The following GABRA4 variants were observed in gnomAD, a reference collection of about 807,000 sequenced individuals.
The protein encoded by GABRA4 is gamma-aminobutyric acid type A receptor subunit alpha4.
Under a neutral mutation model 49.7 loss-of-function variants are expected in GABRA4, and 12 were observed. That is an observed-to-expected ratio of 0.24 (90% CI 0.15 to 0.39). The LOEUF is 0.39. Ranked by LOEUF, GABRA4 falls within the 10% of genes least tolerant of loss-of-function variation. The pLI is 1.00. For missense variants in GABRA4, 506 were observed against 686.0 expected (o/e 0.74, Z 2.93); for synonymous variants, 288 against 240.2 (o/e 1.20, Z -1.84).
intron 8 of GABRA4, among the ~76,000 whole-genome samples, chr4:46,930,211 C>A (rs148554492): frequency 6.6e-6 from 1 of 152,038 alleles, no homozygotes; most frequent in East Asian, 1.9e-4. Context: ...GAAATTGTAG[C>A]CTAACATATG....
chr4:46,993,144 C>G (rs912256514), intron 1 of GABRA4, among the ~76,000 whole-genome samples, 195 bp downstream of exon 1: 1 of 152,188 alleles, frequency 6.6e-6, no homozygotes, highest in Non-Finnish European at 1.5e-5. Context: ...AGTGCCCACA[C>G]GCCTCTTGGA....
In GABRA4 at chr4:46,977,329, GAA is replaced by G. The variant is rs1491326081; in HGVS notation, c.494+79_494+80del. 234 of 755,424 alleles carry G rather than the reference GAA, an allele frequency of 3.1e-4. 1 individual carries two copies. The highest frequency in any genetic ancestry group is 2.7e-3 in the African/African-American group (143 of 53,382). 46.8% of individuals were successfully genotyped at this position (755,424 alleles called of 1,614,324 possible). A position where few individuals can be genotyped will look rare whatever the true frequency, so the allele number is the denominator to read the frequency against. On this transcript the variant is annotated intron_variant, in intron 4 of 8. Transcript: ENST00000264318. ...GGAAGGGAGGGAGGAAGGGAGGGAG[GAA>G]GGAAGGAAGGAAGGAAGAAAGGAAA...
intron 8 of GABRA4, among the ~76,000 whole-genome samples, chr4:46,957,438 A>G (rs1481240828): frequency 7.2e-5 from 11 of 152,006 alleles, no homozygotes; most frequent in Admixed American, 7.2e-4. Context: ...GTCTGGGAAG[A>G]CTAGTTATGG....
intron 8 of GABRA4, among the ~76,000 whole-genome samples, chr4:46,940,760 G>T (rs1394193813): frequency 6.6e-6 from 1 of 151,420 alleles, no homozygotes; most frequent in Non-Finnish European, 1.5e-5. Context: ...AATTGCTGAA[G>T]CCATTTGGCT....
At chr4:46,973,202 T>C (rs1262115870) in intron 6 of GABRA4, among the ~76,000 whole-genome samples, 1 of 151,792 alleles carries the variant, frequency 6.6e-6, no homozygotes, top group East Asian at 1.9e-4. Flanking sequence ...ACTATTGCTA[T>C]GGTCTAAATG....
chr4:46,966,219 C>T (rs940616864), intron 7 of GABRA4, among the ~76,000 whole-genome samples: 5 of 151,694 alleles, frequency 3.3e-5, no homozygotes, highest in Admixed American at 3.3e-4. Flanking sequence ...TTTGCTACAT[C>T]CATTTAAACT....
chr4:46,972,027 T>A (rs1401706053), intron 6 of GABRA4, among the ~76,000 whole-genome samples: 2 of 151,626 alleles, frequency 1.3e-5, no homozygotes, highest in Non-Finnish European at 3.0e-5. Context: ...GTGGCCTTAT[T>A]CACAAACCAT....
intron 8 of GABRA4, among the ~76,000 whole-genome samples, chr4:46,938,867 G>A (rs1392317834): frequency 1.3e-5 from 2 of 151,926 alleles, no homozygotes; most frequent in African/African-American, 4.8e-5. Flanking sequence ...AAGTTATTTT[G>A]CTGGGCATTG....
chr4:46,968,937 C>A (rs2109381622), intron 7 of GABRA4, among the ~76,000 whole-genome samples: 1 of 151,764 alleles, frequency 6.6e-6, no homozygotes, highest in East Asian at 1.9e-4. Flanking sequence ...AAGTAGACAG[C>A]AGCATGGAAT....
chr4:46,921,689 T>C lies in GABRA4; in HGVS notation c.*6536A>G, dbSNP rs1354335906. 1 of 151,976 alleles carries C rather than the reference T, an allele frequency of 6.6e-6. No individual in the cohort carries two copies. The highest frequency in any genetic ancestry group is 1.5e-5 in the Non-Finnish European group (1 of 67,978). 9.4% of individuals were successfully genotyped at this position (151,976 alleles called of 1,614,324 possible). On this transcript the variant is annotated 3_prime_UTR_variant, in exon 9 of 9. Coordinates refer to ENST00000264318, the MANE Select transcript of GABRA4 (RefSeq NM_000809.4). ...TGGTCAATCCCTGGTCTATTGGAAG[T>C]GCAAATAACATATGGTGACTCAGTT...
In GABRA4 at chr4:46,965,058, T is replaced by C; in HGVS notation, c.1046A>G (p.Glu349Gly). 6.2e-7 allele frequency: 1 copy of C among 1,612,116 alleles called. No individual in the cohort carries two copies. Among genetic ancestry groups the C allele is most frequent in the Non-Finnish European group, 8.5e-7 (1 of 1,178,822 alleles). The part of the protein sequence containing the change: ...AVNYFTNIQM[E>G]KAKRKTSKPP... ...CTTTGATGTCTTCCTTTTGGCTTTT[T>C]CCATTTGAATATTGGTGAAATAGTT... The change falls in exon 8 of 9, where the codon GAA (glutamate) becomes GGA (glycine). Residue 349 changes from glutamate to glycine, a missense_variant. Coordinates refer to ENST00000264318, the MANE Select transcript of GABRA4 (RefSeq NM_000809.4).
chr4:46,934,557 A>C (rs536293091), intron 8 of GABRA4, among the ~76,000 whole-genome samples: 1 of 152,338 alleles, frequency 6.6e-6, no homozygotes, highest in East Asian at 1.9e-4. Context: ...CATTTAATTC[A>C]ATGTTTGTAT....
intron 7 of GABRA4, 79 bp from the exon 8 acceptor site, chr4:46,965,308 C>G (rs1722716536): frequency 1.6e-6 from 2 of 1,239,804 alleles, no homozygotes; most frequent in Non-Finnish European, 1.1e-6. Context: ...CAACAAAAAC[C>G]TAGAAAATCA....
intron 3 of GABRA4, among the ~76,000 whole-genome samples, chr4:46,978,004 G>T (rs553916058): frequency 6.6e-6 from 1 of 152,090 alleles, no homozygotes; most frequent in South Asian, 2.1e-4. Flanking sequence ...ACAATTAATC[G>T]TGTAATTGTA....
chr4:46,992,581 G>T (rs1016151264), intron 2 of GABRA4: 2 of 504,602 alleles, frequency 4.0e-6, no homozygotes, highest in East Asian at 3.1e-5. Flanking sequence ...CCCCCACCCA[G>T]CAGTCAGGTC....
chr4:46,951,088 G>A (rs904513042), intron 8 of GABRA4, among the ~76,000 whole-genome samples: 1 of 151,980 alleles, frequency 6.6e-6, no homozygotes, highest in Non-Finnish European at 1.5e-5. Context: ...TGGAATACAG[G>A]AATAGCACTT....
Position 46,923,779 on chromosome 4 carries a change from A to G in GABRA4, c.*4446T>C, listed in dbSNP as rs1476214682. Reference sequence around the variant, plus strand: ...TCAAGATTTTTAATAAATTGCCACTAATCCTGATCAAATTCCATTCCTTCA... The same window carrying G: ...TCAAGATTTTTAATAAATTGCCACTGATCCTGATCAAATTCCATTCCTTCA... On this transcript the variant is annotated 3_prime_UTR_variant, in exon 9 of 9. Transcript: ENST00000264318. 6.6e-6 allele frequency: 1 copy of G among 152,106 alleles called. No individual in the cohort carries two copies. The highest frequency in any genetic ancestry group is 1.5e-5 in the Non-Finnish European group (1 of 68,024). The allele number at this position is 152,106 out of a possible 1,614,324, so 9.4% of individuals were successfully genotyped here.
In GABRA4 at chr4:46,927,266, C is replaced by T. The variant is rs570025658; in HGVS notation, c.*959G>A. 6.6e-6 allele frequency: 1 copy of T among 152,398 alleles called. No homozygotes were observed. The highest frequency in any genetic ancestry group is 1.5e-5 in the Non-Finnish European group (1 of 67,934). 9.4% of individuals were successfully genotyped at this position (152,398 alleles called of 1,614,324 possible). A position where few individuals can be genotyped will look rare whatever the true frequency, so the allele number is the denominator to read the frequency against. On this transcript the variant is annotated 3_prime_UTR_variant, in exon 9 of 9. Transcript: ENST00000264318. ...AAACCAATTGCTGAAGTTGTACTGACATCAAAGTGGTTATGTGAACAAATA... is the reference window on the plus strand; with the variant it reads ...AAACCAATTGCTGAAGTTGTACTGATATCAAAGTGGTTATGTGAACAAATA...
intron 8 of GABRA4, among the ~76,000 whole-genome samples, chr4:46,935,092 A>G (rs1308683498): frequency 1.3e-5 from 2 of 152,174 alleles, no homozygotes; most frequent in East Asian, 3.9e-4. Flanking sequence ...ACTGGTTAAA[A>G]ACTCAAAGTC....
Sources: allele counts gnomAD v4.1 joint callset (sites outside exome capture counted in the v4.1 genomes callset), GRCh38; gene constraint gnomAD v4.1.1; transcripts MANE v1.5; gene names NCBI Gene and HGNC (gene_info 2026-07-23, HGNC 2026-07-21).